Variants in GPHN observed in about 807,000 individuals in gnomAD.
GPHN encodes gephyrin.
A neutral mutation model predicts 95.5 loss-of-function variants in GPHN; 17 were observed. The observed-to-expected ratio is 0.18, with a 90% CI of 0.12 to 0.27. The LOEUF (loss-of-function observed/expected upper bound fraction) is 0.27, where lower values mean the gene tolerates loss of function less well. GPHN is among the 10% of genes least tolerant of loss of function. GPHN has a pLI of 1.00. For synonymous variants in GPHN, 320 were observed against 322.5 expected, an observed-to-expected ratio of 0.99 and a Z score of 0.08; for missense variants, 660 against 978.1, an observed-to-expected ratio of 0.67 and a Z score of 4.34.
chr14:66,827,898 A>G (rs2061439697), intron 4 of GPHN, among the ~76,000 whole-genome samples: 1 of 151,900 alleles, frequency 6.6e-6, no homozygotes, highest in South Asian at 2.1e-4. Flanking sequence ...GGCATTGTAT[A>G]TTTCATTATT....
At chr14:66,597,687 C>T (rs981476909) in intron 1 of GPHN, among the ~76,000 whole-genome samples, 3 of 152,142 alleles carry the variant, frequency 2.0e-5, no homozygotes, top group African/African-American at 7.2e-5. Context: ...GCTCCTGCCC[C>T]TTCAACTTGG....
intron 18 of GPHN, among the ~76,000 whole-genome samples, chr14:67,147,713 T>A (rs1254588645): frequency 6.6e-6 from 1 of 152,148 alleles, no homozygotes; most frequent in Non-Finnish European, 1.5e-5. Flanking sequence ...GAAGTTTTAA[T>A]CAGCGTTTCC....
At position 66,924,731 on chromosome 14, in the gene GPHN, AT is replaced by A. The variant is rs748039820; in HGVS notation, c.828+448del. 7.9e-4 allele frequency among the ~76,000 whole-genome samples: 119 copies of A among 151,006 alleles called. 1 individual carries two copies. The East Asian group carries it at 0.019, about 25-fold the overall frequency. On this transcript the variant is annotated intron_variant, in intron 8 of 22. Coordinates refer to ENST00000478722, the MANE Select transcript of GPHN (RefSeq NM_020806.5). Reference sequence around the variant, plus strand: ...GTTTTGTCTTATGATTTTGCATCTCATTTTTTTTTCATTCATTGAGCTCTCA... The same window carrying A: ...GTTTTGTCTTATGATTTTGCATCTCATTTTTTTTCATTCATTGAGCTCTCA...
At chr14:67,101,254 G>A (rs1166784891) in intron 13 of GPHN, among the ~76,000 whole-genome samples, 5 of 151,592 alleles carry the variant, frequency 3.3e-5, no homozygotes, top group Non-Finnish European at 2.9e-5. Context: ...TCCCCAACTT[G>A]TGTTACAAAT....
intron 2 of GPHN, among the ~76,000 whole-genome samples, chr14:66,735,426 T>C (rs1233124308): frequency 6.6e-6 from 1 of 152,210 alleles, no homozygotes; most frequent in Non-Finnish European, 1.5e-5. Context: ...GTTTAGGATA[T>C]GTACAGGGCC....
At chr14:66,778,967 C>A (rs2059503346) in intron 3 of GPHN, among the ~76,000 whole-genome samples, 1 of 151,810 alleles carries the variant, frequency 6.6e-6, no homozygotes, top group African/African-American at 2.4e-5. Context: ...TGGTCTTGAA[C>A]CCCTGACCTC....
the GPHN span, among the ~76,000 whole-genome samples, chr14:67,490,412 G>A: frequency 2.0e-5 from 3 of 152,218 alleles, no homozygotes; most frequent in Non-Finnish European, 2.9e-5. Flanking sequence ...GACTGTTCCA[G>A]GCATCAGGGG....
the GPHN span, among the ~76,000 whole-genome samples, chr14:67,369,193 T>C: frequency 6.6e-6 from 1 of 152,210 alleles, no homozygotes; most frequent in Non-Finnish European, 1.5e-5. Flanking sequence ...AGATATGCTA[T>C]GCAGACAATA....
rs548039415 is a variant in GPHN, at chr14:66,979,261, T to C, written c.963+13936T>C. 3.3e-5 allele frequency among the ~76,000 whole-genome samples: 5 copies of C among 152,344 alleles called. No homozygotes were observed. In the East Asian group the frequency reaches 9.6e-4, roughly 29 times the overall value. ...TTTAAAGCCAGGCTTTAACTTCACC[T>C]CTCTAGCAATGAAAGTCCTAGATGA... On this transcript the variant is annotated intron_variant, in intron 9 of 22. Coordinates refer to ENST00000478722, the MANE Select transcript of GPHN (RefSeq NM_020806.5).
chr14:66,803,432 A>C (rs1006859739), intron 3 of GPHN, among the ~76,000 whole-genome samples: 1 of 152,198 alleles, frequency 6.6e-6, no homozygotes, highest in African/African-American at 2.4e-5. Context: ...TTTTTTGTGT[A>C]GATAGTTGTT....
the GPHN span, among the ~76,000 whole-genome samples, chr14:67,601,844 C>A: frequency 0.011 from 1,682 of 151,632 alleles, 38 homozygotes; most frequent in African/African-American, 0.038. Context: ...CAAGACCAGC[C>A]TGGGCAACAG....
intron 4 of GPHN, among the ~76,000 whole-genome samples, chr14:66,853,462 T>C (rs1164070176): frequency 6.6e-6 from 1 of 152,298 alleles, no homozygotes. Context: ...AGGAAAGATG[T>C]TTGACACACA....
the GPHN span, among the ~76,000 whole-genome samples, chr14:67,728,929 A>G: frequency 6.6e-6 from 1 of 152,218 alleles, no homozygotes; most frequent in Non-Finnish European, 1.5e-5. Context: ...CTAAAGCCAC[A>G]GTATAAAAAC....
intron 1 of GPHN, among the ~76,000 whole-genome samples, chr14:66,532,642 G>T (rs1345102990): frequency 6.6e-6 from 1 of 152,174 alleles, no homozygotes; most frequent in African/African-American, 2.4e-5. Flanking sequence ...ACTAGCTTTA[G>T]TAAAAGGGAA....
the GPHN span, chr14:67,690,309 G>T: frequency 6.2e-7 from 1 of 1,614,062 alleles, no homozygotes; most frequent in African/African-American, 1.3e-5. Flanking sequence ...CGCCCTGCAG[G>T]TTATGGAAGT....
At chr14:67,425,740 G>C in the GPHN span, among the ~76,000 whole-genome samples, 1,942 of 152,036 alleles carry the variant, frequency 0.013, 15 homozygotes, top group Middle Eastern at 0.02. Flanking sequence ...AGGGGAACTG[G>C]ACCTGCTCTG....
At chr14:67,620,487 A>T in the GPHN span, among the ~76,000 whole-genome samples, 33,718 of 152,084 alleles carry the variant, frequency 0.22, 4,721 homozygotes, top group Non-Finnish European at 0.3. Context: ...GGAGCGACCG[A>T]GGATTTAAGT....
intron 5 of GPHN, among the ~76,000 whole-genome samples, chr14:66,891,414 G>A (rs1277513546): frequency 3.3e-5 from 5 of 152,092 alleles, no homozygotes; most frequent in African/African-American, 9.7e-5. Flanking sequence ...TCTTTTCAAC[G>A]AATGGTGTTG....
At chr14:67,151,650 T>C (rs2081294447) in intron 18 of GPHN, among the ~76,000 whole-genome samples, 1 of 152,158 alleles carries the variant, frequency 6.6e-6, no homozygotes, top group Non-Finnish European at 1.5e-5. Context: ...TTGTTTTTGT[T>C]TTTGTTTTTT....
Sources: allele counts gnomAD v4.1 joint callset (sites outside exome capture counted in the v4.1 genomes callset), GRCh38; gene constraint gnomAD v4.1.1; transcripts MANE v1.5; gene names NCBI Gene and HGNC (gene_info 2026-07-23, HGNC 2026-07-21).